MAGI2: variants seen among roughly 807,000 people sequenced by gnomAD.
The protein encoded by MAGI2 is membrane associated guanylate kinase, WW and PDZ domain containing 2, also known as membrane-associated guanylate kinase, WW and PDZ domain-containing protein 2.
MAGI2 carries 35 observed loss-of-function variants against 133.3 expected under a neutral mutation model. That is an observed-to-expected ratio of 0.26 (90% CI 0.20 to 0.35). MAGI2 has a LOEUF of 0.35. MAGI2 is among the 10% of genes least tolerant of loss of function. MAGI2 has a pLI of 1.00. For synonymous variants in MAGI2, 729 were observed against 710.6 expected (o/e 1.03, Z -0.41); for missense variants, 1,636 against 1,863.4 (o/e 0.88, Z 2.25).
intron 6 of MAGI2, among the ~76,000 whole-genome samples, chr7:78,464,188 C>T (rs1790374790): frequency 6.6e-6 from 1 of 152,108 alleles, no homozygotes; most frequent in Admixed American, 6.6e-5. Context: ...TTGAGAAATG[C>T]TTCAGTTTGC....
intron 14 of MAGI2, among the ~76,000 whole-genome samples, chr7:78,173,049 C>T (rs1025121929): frequency 2.6e-5 from 4 of 152,100 alleles, no homozygotes; most frequent in African/African-American, 7.2e-5. Context: ...AGGAATAAAC[C>T]GGAATAAATC....
intron 21 of MAGI2, among the ~76,000 whole-genome samples, chr7:78,024,387 C>A (rs892524426): frequency 1.3e-5 from 2 of 152,198 alleles, no homozygotes; most frequent in Non-Finnish European, 2.9e-5. Context: ...TCTCGATGTC[C>A]ACTTGGACAG....
intron 6 of MAGI2, among the ~76,000 whole-genome samples, chr7:78,370,167 C>T (rs996903132): frequency 6.6e-6 from 1 of 152,004 alleles, no homozygotes; most frequent in Non-Finnish European, 1.5e-5. Context: ...AGCAATCCTG[C>T]CACCCAAAAA....
chr7:79,339,466 T>TTTTG (rs201939744), intron 1 of MAGI2, among the ~76,000 whole-genome samples: 21,751 of 143,562 alleles, frequency 0.15, 1,711 homozygotes, highest in East Asian at 0.32. Flanking sequence ...TTGTTTTTGT[T>TTTTG]TTTTTTTTTT....
chr7:78,656,555 C>G (rs1234265507), intron 2 of MAGI2, among the ~76,000 whole-genome samples: 1 of 152,008 alleles, frequency 6.6e-6, no homozygotes, highest in East Asian at 1.9e-4. Flanking sequence ...TGGGGAGATG[C>G]TGGTCAAAGA....
At chr7:78,989,864 G>C (rs553175392) in intron 2 of MAGI2, among the ~76,000 whole-genome samples, 3 of 151,998 alleles carry the variant, frequency 2.0e-5, no homozygotes, top group Admixed American at 6.6e-5. Flanking sequence ...TGCCTTTCTT[G>C]CTCTACTTTG....
intron 6 of MAGI2, among the ~76,000 whole-genome samples, chr7:78,480,942 A>C (rs1792305134): frequency 6.6e-6 from 1 of 151,972 alleles, no homozygotes; most frequent in Non-Finnish European, 1.5e-5. Flanking sequence ...GGAAGGGCTT[A>C]TCATGTTCAT....
intron 2 of MAGI2, among the ~76,000 whole-genome samples, chr7:78,857,717 T>C (rs1008814407): frequency 6.6e-6 from 1 of 152,232 alleles, no homozygotes; most frequent in Non-Finnish European, 1.5e-5. Flanking sequence ...AAATTCTCTT[T>C]TTTTGTTGTG....
chr7:79,442,866 C>T (rs562823566), intron 1 of MAGI2, among the ~76,000 whole-genome samples: 80 of 152,132 alleles, frequency 5.3e-4, no homozygotes, highest in African/African-American at 1.9e-3. Flanking sequence ...AGTGACCCTC[C>T]AAGCCTAAAT....
Position 78,185,688 on chromosome 7 carries a change from G to A in MAGI2, c.2270-18C>T, listed in dbSNP as rs2150707525. On this transcript the variant is annotated intron_variant, in intron 12 of 21. Coordinates refer to ENST00000354212, the MANE Select transcript of MAGI2 (RefSeq NM_012301.4). ...CACTTGTTCTGGATGGGAAAATGGGGAATTAAAGTTGAAATTCATTTATGG... is the reference window on the plus strand; with the variant it reads ...CACTTGTTCTGGATGGGAAAATGGGAAATTAAAGTTGAAATTCATTTATGG... 3.2e-6 allele frequency: 5 copies of A among 1,547,234 alleles called. No homozygotes were observed. The highest frequency in any genetic ancestry group is 1.4e-5 in the African/African-American group (1 of 73,530).
At chr7:79,125,112 G>C (rs575776864) in intron 1 of MAGI2, 81 of 297,274 alleles carry the variant, frequency 2.7e-4, no homozygotes, top group Middle Eastern at 1.3e-3. Flanking sequence ...ATTTGGAACA[G>C]TGTGGGAAAA....
At chr7:78,623,004 T>C (rs1807911950) in intron 3 of MAGI2, among the ~76,000 whole-genome samples, 2 of 152,064 alleles carry the variant, frequency 1.3e-5, no homozygotes, top group Admixed American at 1.3e-4. Flanking sequence ...AGTAACCCAT[T>C]CTGGCTCACA....
intron 1 of MAGI2, among the ~76,000 whole-genome samples, chr7:79,250,479 G>A (rs1191386884): frequency 2.6e-5 from 4 of 151,292 alleles, no homozygotes; most frequent in African/African-American, 4.9e-5. Context: ...AAGAAATCAA[G>A]AAATTAATCC....
intron 2 of MAGI2, among the ~76,000 whole-genome samples, chr7:78,968,936 T>A (rs546574501): frequency 6.6e-6 from 1 of 152,072 alleles, no homozygotes; most frequent in Non-Finnish European, 1.5e-5. Flanking sequence ...TGGTGGAATT[T>A]TCCTTCAATA....
At chr7:79,132,608 TGTAA>T (rs1585006031) in intron 1 of MAGI2, among the ~76,000 whole-genome samples, 1 of 152,130 alleles carries the variant, frequency 6.6e-6, no homozygotes, top group African/African-American at 2.4e-5. Context: ...AACATATGGG[TGTAA>T]GTGTCTTTTT....
At chr7:78,075,837 C>T (rs754591815) in intron 21 of MAGI2, among the ~76,000 whole-genome samples, 1 of 152,172 alleles carries the variant, frequency 6.6e-6, no homozygotes, top group Non-Finnish European at 1.5e-5. Context: ...ACATTATCCT[C>T]AAAGATGCTA....
chr7:78,632,322 A>G (rs1226650797), intron 2 of MAGI2, among the ~76,000 whole-genome samples: 2 of 152,242 alleles, frequency 1.3e-5, no homozygotes, highest in East Asian at 1.9e-4. Context: ...ACCTATGCAC[A>G]AGTTAGTGGG....
At chr7:78,332,950 A>G (rs62461470) in intron 9 of MAGI2, among the ~76,000 whole-genome samples, 5,747 of 152,262 alleles carry the variant, frequency 0.038, 107 homozygotes, top group Middle Eastern at 0.11. Context: ...CTGGCTAGAA[A>G]TTTATTTTCT....
chr7:78,755,714 G>A (rs1436728299), intron 2 of MAGI2, among the ~76,000 whole-genome samples: 1 of 152,184 alleles, frequency 6.6e-6, no homozygotes, highest in Non-Finnish European at 1.5e-5. Flanking sequence ...TGCCAAAAAT[G>A]TAAGTTCATA....
Sources: gnomAD v4.1 joint callset for allele counts (sites outside exome capture counted in the v4.1 genomes callset) on GRCh38, gnomAD v4.1.1 for gene constraint, MANE v1.5 for transcripts, NCBI Gene and HGNC (gene_info 2026-07-23, HGNC 2026-07-21) for gene names.